ANXA4: variants seen among roughly 807,000 people sequenced by gnomAD.
The protein encoded by ANXA4 is 35-beta calcimedin.
ANXA4 carries 39 observed loss-of-function variants against 49.8 expected under a neutral mutation model. The ratio of observed to expected loss-of-function variants is 0.78; its 90% CI spans 0.61 to 1.02. The LOEUF is 1.02. Among genes scored for constraint, ANXA4 ranks in the 50% least tolerant of loss-of-function variants. The pLI is 0.00. For missense variants in ANXA4, 360 were observed against 410.1 expected (o/e 0.88, Z 1.05); for synonymous variants, 134 against 152.5 (o/e 0.88, Z 0.89).
chr2:69,732,712 C>T (rs969797866), intron 3 of ANXA4, among the ~76,000 whole-genome samples: 3 of 151,888 alleles, frequency 2.0e-5, no homozygotes, highest in Admixed American at 6.5e-5. Context: ...GAGCTGAGAT[C>T]GCACCATTGC....
chr2:69,769,724 C>T (rs1040117993), intron 1 of ANXA4, among the ~76,000 whole-genome samples: 10 of 152,084 alleles, frequency 6.6e-5, no homozygotes, highest in Non-Finnish European at 1.0e-4. Flanking sequence ...AGTGCAGTGG[C>T]GTGATCTCGG....
At chr2:69,655,686 C>T (rs1053478448) in intron 2 of ANXA4, among the ~76,000 whole-genome samples, 35 of 152,026 alleles carry the variant, frequency 2.3e-4, no homozygotes, top group African/African-American at 8.2e-4. Context: ...GAGTATATAC[C>T]CAAAGGATTG....
chr2:69,677,684 A>G (rs1410419715), intron 2 of ANXA4, among the ~76,000 whole-genome samples: 1 of 152,198 alleles, frequency 6.6e-6, no homozygotes, highest in Non-Finnish European at 1.5e-5. Context: ...TTTTGAGCTG[A>G]AGGAGACTGG....
Position 69,726,863 on chromosome 2 carries a change from G to T in ANXA4, n.864+5992G>T, listed in dbSNP as rs141440509. Among the ~76,000 whole-genome samples the T allele has an allele frequency of 9.7e-3, 1,477 of 152,204 alleles. 20 individuals carry two copies. Among genetic ancestry groups the T allele is most frequent in the African/African-American group, 0.032 (1,331 of 41,514 alleles). Reference sequence around the variant, plus strand: ...TATTCCATTATGTGACTATGCCACGGTCTATTCATTTCACACACACACAAG... The same window carrying T: ...TATTCCATTATGTGACTATGCCACGTTCTATTCATTTCACACACACACAAG... On this transcript the variant is annotated intron_variant and non_coding_transcript_variant, in intron 3 of 3. Transcript: ENST00000418066.
At chr2:69,680,084 A>G (rs535353899) in intron 2 of ANXA4, among the ~76,000 whole-genome samples, 1 of 152,100 alleles carries the variant, frequency 6.6e-6, no homozygotes, top group East Asian at 1.9e-4. Flanking sequence ...GAATCTGATT[A>G]TTGCTTTGGG....
In ANXA4 at chr2:69,661,812, G is replaced by A. The variant is rs138382413; in HGVS notation, n.766+8530G>A. 1.9e-3 allele frequency among the ~76,000 whole-genome samples: 283 copies of A among 152,220 alleles called. 2 individuals carry two copies. Among genetic ancestry groups the A allele is most frequent in the African/African-American group, 6.2e-3 (257 of 41,550 alleles). On this transcript the variant is annotated intron_variant and non_coding_transcript_variant, in intron 2 of 3. Transcript: ENST00000418066. The stretch of plus-strand genomic sequence containing the variant: ...GTGTAGGTGAGACTAAACCCAGGAC[G>A]ATTTCTTGTAAGTCTGTACAAGAAG...
At chr2:69,716,572 G>T (rs2105417434) in intron 2 of ANXA4, among the ~76,000 whole-genome samples, 1 of 152,206 alleles carries the variant, frequency 6.6e-6, no homozygotes, top group Non-Finnish European at 1.5e-5. Flanking sequence ...GGGCGACAGG[G>T]AGCCCCCAAA....
chr2:69,658,399 CA>C (rs754617600), intron 2 of ANXA4, among the ~76,000 whole-genome samples: 2,158 of 74,626 alleles, frequency 0.029, 41 homozygotes, highest in African/African-American at 0.08. Context: ...GGTTCTGTCT[CA>C]AAAAAAAAAA....
chr2:69,811,258 G>A (rs901725094), intron 7 of ANXA4: 2 of 153,030 alleles, frequency 1.3e-5, no homozygotes, highest in Admixed American at 6.5e-5. Flanking sequence ...TTGGGCTGGT[G>A]ATTCTGGAAA....
At chr2:69,728,923 A>G (rs1670030207) in intron 3 of ANXA4, among the ~76,000 whole-genome samples, 2 of 152,214 alleles carry the variant, frequency 1.3e-5, no homozygotes, top group Admixed American at 1.3e-4. Flanking sequence ...TTTTTGGCTC[A>G]TTTGAATTTA....
intron 2 of ANXA4, among the ~76,000 whole-genome samples, chr2:69,697,594 C>G (rs1163708456): frequency 6.6e-6 from 1 of 152,212 alleles, no homozygotes; most frequent in Non-Finnish European, 1.5e-5. Context: ...CAGCTTTTGA[C>G]ACACCTTGCT....
chr2:69,666,438 A>G (rs973617974), intron 2 of ANXA4, among the ~76,000 whole-genome samples: 43 of 152,218 alleles, frequency 2.8e-4, no homozygotes, highest in Non-Finnish European at 4.4e-5. Flanking sequence ...TAGTTTCTCA[A>G]AAGGTTAAAC....
chr2:69,656,028 G>A (rs1052937243), intron 2 of ANXA4, among the ~76,000 whole-genome samples: 14 of 151,814 alleles, frequency 9.2e-5, no homozygotes, highest in African/African-American at 3.4e-4. Context: ...CCTGTCAGTG[G>A]GTAGGGAGCT....
chr2:69,677,122 A>G (rs1004187143), intron 2 of ANXA4, among the ~76,000 whole-genome samples: 33 of 151,986 alleles, frequency 2.2e-4, no homozygotes, highest in African/African-American at 7.3e-4. Flanking sequence ...TGCCAAGCCT[A>G]TTTCTTATGC....
chr2:69,797,671 A>C (rs1175372400), intron 3 of ANXA4, among the ~76,000 whole-genome samples: 2 of 152,184 alleles, frequency 1.3e-5, no homozygotes, highest in Admixed American at 6.5e-5. Context: ...TTGTAGGCAG[A>C]ATGGGTGTCT....
At chr2:69,683,982 G>C (rs992201174) in intron 2 of ANXA4, among the ~76,000 whole-genome samples, 2 of 152,136 alleles carry the variant, frequency 1.3e-5, no homozygotes, top group Non-Finnish European at 2.9e-5. Flanking sequence ...AGCATAACAA[G>C]AGTTGATTGT....
chr2:69,769,857 T>G (rs1671641416), intron 1 of ANXA4, among the ~76,000 whole-genome samples: 1 of 152,108 alleles, frequency 6.6e-6, no homozygotes, highest in Non-Finnish European at 1.5e-5. Context: ...GAGATGGGGT[T>G]TCCTCATGTT....
At chr2:69,722,854 G>A (rs895860919) in intron 3 of ANXA4, among the ~76,000 whole-genome samples, 1 of 151,790 alleles carries the variant, frequency 6.6e-6, no homozygotes, top group Non-Finnish European at 1.5e-5. Context: ...AGAAAAAAGC[G>A]CAGAGTAAAC....
At chr2:69,709,220 T>TC (rs1678599123) in intron 2 of ANXA4, among the ~76,000 whole-genome samples, 1 of 112,004 alleles carries the variant, frequency 8.9e-6, no homozygotes. Context: ...AGAAATTACT[T>TC]AGAGTTAAGA....
Sources: gnomAD v4.1 joint callset for allele counts (sites outside exome capture counted in the v4.1 genomes callset) on GRCh38, gnomAD v4.1.1 for gene constraint, MANE v1.5 for transcripts, NCBI Gene and HGNC (gene_info 2026-07-23, HGNC 2026-07-21) for gene names.